DCSTAMP: variants seen among roughly 807,000 people sequenced by gnomAD.
DCSTAMP encodes the protein dendritic cell-specific transmembrane protein.
A neutral mutation model predicts 33.8 loss-of-function variants in DCSTAMP; 25 were observed. That is an observed-to-expected ratio of 0.74 (90% confidence interval 0.54 to 1.03). The LOEUF is 1.03. Ranked by LOEUF, DCSTAMP falls within the 50% of genes least tolerant of loss-of-function variation. The probability of loss-of-function intolerance (pLI) is 0.00; values close to 1 mark genes in which losing one functional copy is unlikely to be tolerated. For missense variants in DCSTAMP, 531 were observed against 556.8 expected (o/e 0.95, Z 0.47); for synonymous variants, 245 against 216.7 (o/e 1.13, Z -1.15).
intron 1 of DCSTAMP, among the ~76,000 whole-genome samples, chr8:104,342,132 G>A (rs1052500508): frequency 1.2e-4 from 19 of 152,196 alleles, no homozygotes; most frequent in Admixed American, 4.6e-4. Flanking sequence ...AAACATTTCC[G>A]AGGTATAGAG....
intron 1 of DCSTAMP, among the ~76,000 whole-genome samples, chr8:104,348,164 C>G (rs1810361854): frequency 6.6e-6 from 1 of 152,172 alleles, no homozygotes; most frequent in Admixed American, 6.5e-5. Context: ...AATACGTGCT[C>G]CTTTAAAATA....
intron 1 of DCSTAMP, among the ~76,000 whole-genome samples, chr8:104,343,535 T>C (rs1341654852): frequency 6.6e-6 from 1 of 152,136 alleles, no homozygotes; most frequent in African/African-American, 2.4e-5. Context: ...TATTTGGAAA[T>C]TGGGTCTCTA....
chr8:104,356,073 TA>T, intron 3 of DCSTAMP, 50 bp from the exon 4 acceptor site: 1 of 1,544,622 alleles, frequency 6.5e-7, no homozygotes. Flanking sequence ...CAGAGGCATT[TA>T]AAATGACTCC....
In DCSTAMP at chr8:104,348,901, A is replaced by G. The variant is rs1264077168; in HGVS notation, c.349A>G (p.Asn117Asp). ...ILGHVENIFHNFKGLLDGMTC... is the reference protein window; with the variant it reads ...ILGHVENIFHDFKGLLDGMTC... ...GGGACACGTAGAAAATATTTTTCAC[A>G]ACTTTAAAGGTCTCCTAGATGGTAT... The change falls in exon 2 of 4, where the codon AAC (asparagine) becomes GAC (aspartate). Residue 117 changes from asparagine to aspartate, a missense_variant. Asn to Asp is a conservative substitution (Grantham distance 23). Coordinates refer to ENST00000297581, the MANE Select transcript of DCSTAMP (RefSeq NM_030788.4). The G allele has an allele frequency of 6.2e-7, 1 of 1,614,118 alleles. No homozygotes were observed. Among genetic ancestry groups the G allele is most frequent in the East Asian group, 2.2e-5 (1 of 44,902 alleles).
At chr8:104,342,046 G>A (rs1160596382) in intron 1 of DCSTAMP, among the ~76,000 whole-genome samples, 2 of 152,198 alleles carry the variant, frequency 1.3e-5, no homozygotes, top group African/African-American at 2.4e-5. Context: ...AGAAAAAAAC[G>A]ATGGAGAGGC....
chr8:104,355,712 A>C (rs1810607543), intron 3 of DCSTAMP, among the ~76,000 whole-genome samples: 1 of 152,212 alleles, frequency 6.6e-6, no homozygotes, highest in African/African-American at 2.4e-5. Flanking sequence ...TTTAATACAT[A>C]TTTATTAATG....
At chr8:104,344,435 C>G (rs1393155809) in intron 1 of DCSTAMP, among the ~76,000 whole-genome samples, 1 of 152,168 alleles carries the variant, frequency 6.6e-6, no homozygotes, top group Non-Finnish European at 1.5e-5. Context: ...CCAGTGCCTC[C>G]TATGCTGGAC....
intron 2 of DCSTAMP, among the ~76,000 whole-genome samples, chr8:104,351,657 T>A (rs1454040319): frequency 6.6e-6 from 1 of 152,014 alleles, no homozygotes; most frequent in Non-Finnish European, 1.5e-5. Context: ...GGGTGGGGAG[T>A]TCCCAAGCCA....
chr8:104,341,245 G>A (rs1262364679), intron 1 of DCSTAMP, among the ~76,000 whole-genome samples: 25 of 152,214 alleles, frequency 1.6e-4, no homozygotes, highest in Non-Finnish European at 1.5e-5. Flanking sequence ...AGCTCCTAGG[G>A]TGGGCCATTC....
At chr8:104,351,585 T>C (rs1810464949) in intron 2 of DCSTAMP, among the ~76,000 whole-genome samples, 1 of 152,206 alleles carries the variant, frequency 6.6e-6, no homozygotes, top group African/African-American at 2.4e-5. Context: ...CTCTTATATT[T>C]ATACCTAGTC....
At chr8:104,354,771 C>T in intron 2 of DCSTAMP, 106 bp from the exon 3 acceptor site, 1 of 714,460 alleles carries the variant, frequency 1.4e-6, no homozygotes. Flanking sequence ...CCAAAGCTCC[C>T]TGTATATTTG....
At position 104,355,114 on chromosome 8, in the gene DCSTAMP, A is replaced by C. The variant is rs1011130228; in HGVS notation, c.1267A>C (p.Lys423Gln). The C allele has an allele frequency of 6.2e-7, 1 of 1,613,976 alleles. No homozygotes were observed. The highest frequency in any genetic ancestry group is 1.3e-5 in the African/African-American group (1 of 74,896). ...GAAGCGCATCCAATATCTGCATGCA[A>C]AGCTGCTTAAAAAAAGATCAAAGCA... ...ERKRIQYLHA[K>Q]LLKKRSKQPL... The change falls in exon 3 of 4, where the codon AAG (lysine) becomes CAG (glutamine). Residue 423 changes from lysine to glutamine, a missense_variant. Coordinates refer to ENST00000297581, the MANE Select transcript of DCSTAMP (RefSeq NM_030788.4).
At chr8:104,354,811 C>A in intron 2 of DCSTAMP, 66 bp from the exon 3 acceptor site, 2 of 1,105,186 alleles carry the variant, frequency 1.8e-6, no homozygotes, top group Non-Finnish European at 2.6e-6. Flanking sequence ...CAGGGAAGTA[C>A]TGAGAAAGAC....
At chr8:104,343,790 G>T (rs559530364) in intron 1 of DCSTAMP, among the ~76,000 whole-genome samples, 10 of 152,200 alleles carry the variant, frequency 6.6e-5, no homozygotes, top group Non-Finnish European at 1.5e-5. Flanking sequence ...TTCTCTCCCC[G>T]CCATGTGAGG....
At chr8:104,347,853 G>C (rs1163052011) in intron 1 of DCSTAMP, among the ~76,000 whole-genome samples, 1 of 152,216 alleles carries the variant, frequency 6.6e-6, no homozygotes, top group African/African-American at 2.4e-5. Flanking sequence ...CCCTGCAAAT[G>C]TGTCTTGAGA....
intron 2 of DCSTAMP, 99 bp downstream of exon 2, chr8:104,349,680 A>G: frequency 7.4e-7 from 1 of 1,353,568 alleles, no homozygotes; most frequent in Non-Finnish European, 1.0e-6. Context: ...TGGCTCATTC[A>G]CCTTTGCATC....
chr8:104,343,834 G>A (rs985320972), intron 1 of DCSTAMP, among the ~76,000 whole-genome samples: 3 of 152,246 alleles, frequency 2.0e-5, no homozygotes, highest in Non-Finnish European at 2.9e-5. Context: ...GCAAGCCGGG[G>A]AGGGGTCCTC....
intron 3 of DCSTAMP, 58 bp downstream of exon 3, chr8:104,355,243 A>G: frequency 6.5e-7 from 1 of 1,538,474 alleles, no homozygotes; most frequent in Non-Finnish European, 8.8e-7. Flanking sequence ...TTGGAGGGAA[A>G]TGGGAAAGGG....
chr8:104,353,455 C>G (rs765005939), intron 2 of DCSTAMP, among the ~76,000 whole-genome samples: 11 of 152,200 alleles, frequency 7.2e-5, no homozygotes, highest in Non-Finnish European at 1.5e-4. Context: ...ACCGAACACC[C>G]GCTGCTTTCT....
Sources: gnomAD v4.1 joint callset for allele counts (sites outside exome capture counted in the v4.1 genomes callset) on GRCh38, gnomAD v4.1.1 for gene constraint, MANE v1.5 for transcripts, NCBI Gene and HGNC (gene_info 2026-07-23, HGNC 2026-07-21) for gene names.